CDH8: variants seen among roughly 807,000 people sequenced by gnomAD.
CDH8 encodes cadherin 8, also known as cadherin-8.
A neutral mutation model predicts 68.1 loss-of-function variants in CDH8; 17 were observed. The observed-to-expected ratio is 0.25, with a 90% CI of 0.17 to 0.37. The LOEUF (loss-of-function observed/expected upper bound fraction) is 0.37, where lower values mean the gene tolerates loss of function less well. CDH8 is among the 10% of genes least tolerant of loss of function. CDH8 has a pLI of 1.00. For synonymous variants in CDH8, 372 were observed against 365.1 expected (o/e 1.02, Z -0.21); for missense variants, 763 against 999.3 (o/e 0.76, Z 3.19).
intron 8 of CDH8, among the ~76,000 whole-genome samples, chr16:61,766,291 G>C (rs1409275769): frequency 6.6e-6 from 1 of 152,038 alleles, no homozygotes; most frequent in Non-Finnish European, 1.5e-5. Flanking sequence ...ATGGCCCCCA[G>C]TTCCATCCAA....
At chr16:61,974,144 C>T (rs1052822162) in intron 2 of CDH8, among the ~76,000 whole-genome samples, 1 of 151,916 alleles carries the variant, frequency 6.6e-6, no homozygotes, top group Non-Finnish European at 1.5e-5. Flanking sequence ...AGGCTATGAA[C>T]AGCAGAAACA....
chr16:61,893,672 T>G (rs533014050), intron 3 of CDH8, among the ~76,000 whole-genome samples: 134 of 152,192 alleles, frequency 8.8e-4, no homozygotes, highest in Non-Finnish European at 1.7e-3. Context: ...AAGGTGAGAA[T>G]GCACTCAAAG....
At chr16:61,914,482 G>C (rs1964206788) in intron 2 of CDH8, among the ~76,000 whole-genome samples, 1 of 152,050 alleles carries the variant, frequency 6.6e-6, no homozygotes, top group South Asian at 2.1e-4. Flanking sequence ...ACTAAATTAA[G>C]CACCTTGAGG....
chr16:61,783,435 T>C (rs1285576960), intron 8 of CDH8, among the ~76,000 whole-genome samples: 1 of 151,260 alleles, frequency 6.6e-6, no homozygotes, highest in Non-Finnish European at 1.5e-5. Flanking sequence ...TATGGGACTA[T>C]GTGAAAAGAC....
chr16:61,873,332 A>G (rs1329182732), intron 3 of CDH8, among the ~76,000 whole-genome samples: 2 of 152,174 alleles, frequency 1.3e-5, no homozygotes, highest in Non-Finnish European at 1.5e-5. Context: ...AGGAATAAAA[A>G]CTTCCATAGC....
intron 10 of CDH8, among the ~76,000 whole-genome samples, chr16:61,699,523 T>C (rs1240619276): frequency 1.3e-5 from 2 of 152,196 alleles, no homozygotes; most frequent in African/African-American, 2.4e-5. Flanking sequence ...AGTGGAGCGT[T>C]GATCTCCATA....
intron 4 of CDH8, among the ~76,000 whole-genome samples, chr16:61,834,456 G>T (rs775329035): frequency 4.0e-5 from 6 of 151,864 alleles, no homozygotes; most frequent in Non-Finnish European, 8.8e-5. Context: ...TGAAGAACAC[G>T]GGGTTCTCAT....
chr16:61,722,235 C>T (rs528095134), intron 9 of CDH8, among the ~76,000 whole-genome samples: 2 of 150,734 alleles, frequency 1.3e-5, no homozygotes, highest in Admixed American at 1.3e-4. Context: ...AGAAGACTGC[C>T]TTCATGCCCA....
At chr16:61,785,387 G>C (rs1463438030) in intron 8 of CDH8, among the ~76,000 whole-genome samples, 1 of 98,646 alleles carries the variant, frequency 1.0e-5, no homozygotes, top group Admixed American at 1.2e-4. Context: ...GACTAAACCA[G>C]GAAGAAGTTG....
At position 61,817,410 on chromosome 16, in the gene CDH8, A is replaced by T. The variant is rs73564352; in HGVS notation, c.1277+69T>A. 8,948 of 1,526,576 alleles carry T rather than the reference A, an allele frequency of 5.9e-3. 442 individuals carry two copies. The African/African-American group carries it at 0.11, about 19-fold the overall frequency. The allele number at this position is 1,526,576 out of a possible 1,614,324, so 94.6% of individuals were successfully genotyped here. ...CAAGGAGAGCCCCACAGAAGGTACAAGCAAAGGCATTTTTCACTGATCTGC... is the reference window on the plus strand; with the variant it reads ...CAAGGAGAGCCCCACAGAAGGTACATGCAAAGGCATTTTTCACTGATCTGC... On this transcript the variant is annotated intron_variant, in intron 7 of 11. Transcript: ENST00000577390.
chr16:61,826,822 C>T (rs1962346588), intron 4 of CDH8, among the ~76,000 whole-genome samples: 1 of 151,738 alleles, frequency 6.6e-6, no homozygotes, highest in Non-Finnish European at 1.5e-5. Flanking sequence ...CTTTATTAGA[C>T]TCTGACACAA....
chr16:61,866,734 A>C (rs2143021853), intron 3 of CDH8, among the ~76,000 whole-genome samples: 1 of 152,320 alleles, frequency 6.6e-6, no homozygotes, highest in African/African-American at 2.4e-5. Context: ...TTATTTAAAA[A>C]ATAGAATAGT....
intron 2 of CDH8, among the ~76,000 whole-genome samples, chr16:61,904,936 T>C (rs1964038380): frequency 6.6e-6 from 1 of 152,228 alleles, no homozygotes; most frequent in African/African-American, 2.4e-5. Context: ...TAGATTCTCA[T>C]AGGAGCAGGA....
chr16:61,928,978 G>A (rs1310237578), intron 2 of CDH8, among the ~76,000 whole-genome samples: 1 of 152,058 alleles, frequency 6.6e-6, no homozygotes, highest in African/African-American at 2.4e-5. Context: ...GCATGATCTC[G>A]GCTCACGGCA....
At chr16:61,933,427 A>G (rs1964576813) in intron 2 of CDH8, among the ~76,000 whole-genome samples, 2 of 152,218 alleles carry the variant, frequency 1.3e-5, no homozygotes, top group Admixed American at 1.3e-4. Flanking sequence ...GATTTAGAGC[A>G]GGAGAGTAAC....
intron 4 of CDH8, among the ~76,000 whole-genome samples, chr16:61,845,288 A>G (rs142583554): frequency 4.1e-4 from 63 of 152,186 alleles, no homozygotes; most frequent in African/African-American, 1.5e-3. Context: ...TCATGAATTC[A>G]TTTGTCCATA....
intron 3 of CDH8, among the ~76,000 whole-genome samples, chr16:61,875,654 G>A (rs560711406): frequency 6.6e-6 from 1 of 152,104 alleles, no homozygotes; most frequent in Non-Finnish European, 1.5e-5. Flanking sequence ...TGACTGAAAA[G>A]TTTTCCTCTC....
intron 3 of CDH8, among the ~76,000 whole-genome samples, chr16:61,889,146 T>G (rs1467814968): frequency 1.2e-4 from 18 of 152,190 alleles, no homozygotes; most frequent in Admixed American, 1.2e-3. Flanking sequence ...TATTTTCACC[T>G]GCAGCCTCAT....
chr16:61,864,760 G>A (rs1213250650), intron 3 of CDH8, among the ~76,000 whole-genome samples: 3 of 152,064 alleles, frequency 2.0e-5, no homozygotes, highest in Non-Finnish European at 4.4e-5. Flanking sequence ...ATTACCATCT[G>A]ACCATTCAAC....
Sources: allele counts gnomAD v4.1 joint callset (sites outside exome capture counted in the v4.1 genomes callset), GRCh38; gene constraint gnomAD v4.1.1; transcripts MANE v1.5; gene names NCBI Gene and HGNC (gene_info 2026-07-23, HGNC 2026-07-21).